STAG1: variants seen among roughly 807,000 people sequenced by gnomAD.
STAG1 encodes the protein STAG1 cohesin complex component, also known as cohesin subunit SA-1.
STAG1 carries 26 observed loss-of-function variants against 170.9 expected under a neutral mutation model. That is an observed-to-expected ratio of 0.15 (90% CI 0.11 to 0.21). The LOEUF (loss-of-function observed/expected upper bound fraction) is 0.21, where lower values mean the gene tolerates loss of function less well. Ranked by LOEUF, STAG1 falls within the 10% of genes least tolerant of loss-of-function variation. STAG1 has a pLI of 1.00. For synonymous variants in STAG1, 514 were observed against 497.7 expected (o/e 1.03, Z -0.44); for missense variants, 964 against 1,509.5 (o/e 0.64, Z 5.99).
At chr3:136,590,781 A>G (rs185423879) in intron 4 of STAG1, among the ~76,000 whole-genome samples, 322 of 152,336 alleles carry the variant, frequency 2.1e-3, no homozygotes, top group African/African-American at 7.4e-3. Context: ...TTGTGGAGAC[A>G]CTATGGGTTA....
intron 13 of STAG1, among the ~76,000 whole-genome samples, chr3:136,462,263 T>G (rs890853429): frequency 6.6e-6 from 1 of 152,188 alleles, no homozygotes; most frequent in Non-Finnish European, 1.5e-5. Flanking sequence ...TACAGCACTA[T>G]TCATAGTAGT....
At chr3:136,604,519 G>A (rs1289020619) in intron 3 of STAG1, 46 bp from the exon 4 acceptor site, 1 of 1,513,222 alleles carries the variant, frequency 6.6e-7, no homozygotes, top group African/African-American at 1.4e-5. Flanking sequence ...GGTTTACTTT[G>A]CTTTATATAA....
chr3:136,569,571 G>A (rs1470633564), intron 4 of STAG1, among the ~76,000 whole-genome samples: 1 of 152,014 alleles, frequency 6.6e-6, no homozygotes, highest in Non-Finnish European at 1.5e-5. Context: ...CAGGGTTGAA[G>A]TCTTTAGTTA....
At chr3:136,516,088 T>C (rs1215991917) in intron 7 of STAG1, among the ~76,000 whole-genome samples, 1 of 152,182 alleles carries the variant, frequency 6.6e-6, no homozygotes, top group Non-Finnish European at 1.5e-5. Context: ...GGTCTATTCT[T>C]TGATAATACC....
intron 28 of STAG1, among the ~76,000 whole-genome samples, chr3:136,354,877 T>A (rs1354169420): frequency 6.6e-6 from 1 of 151,386 alleles, no homozygotes; most frequent in East Asian, 1.9e-4. Context: ...GCTGTCTACA[T>A]GAAACACACT....
chr3:136,597,147 G>A (rs1311475371), intron 4 of STAG1, among the ~76,000 whole-genome samples: 1 of 151,838 alleles, frequency 6.6e-6, no homozygotes, highest in East Asian at 1.9e-4. Context: ...TAGAAATTTG[G>A]GATTTTTATT....
intron 21 of STAG1, among the ~76,000 whole-genome samples, chr3:136,400,942 A>G (rs2087306722): frequency 6.6e-6 from 1 of 152,176 alleles, no homozygotes; most frequent in South Asian, 2.1e-4. Flanking sequence ...GAATTTTCCT[A>G]TCTGCTTTGC....
At chr3:136,623,362 C>CT (rs1263176700) in intron 2 of STAG1, 114 bp from the exon 3 acceptor site, 2 of 815,388 alleles carry the variant, frequency 2.5e-6, no homozygotes, top group African/African-American at 3.6e-5. Flanking sequence ...TATACTTCTA[C>CT]TTTCAGAGAA....
At chr3:136,565,767 G>T (rs1318888664) in intron 5 of STAG1, among the ~76,000 whole-genome samples, 7 of 152,144 alleles carry the variant, frequency 4.6e-5, no homozygotes, top group African/African-American at 1.7e-4. Flanking sequence ...GTCAAAAGGT[G>T]GAAACAACTC....
intron 4 of STAG1, among the ~76,000 whole-genome samples, chr3:136,587,351 C>G (rs1937881072): frequency 6.6e-6 from 1 of 151,942 alleles, no homozygotes; most frequent in African/African-American, 2.4e-5. Flanking sequence ...ACTAGTCTGG[C>G]CATCATGGTG....
At chr3:136,663,868 A>C (rs1318779179) in intron 1 of STAG1, among the ~76,000 whole-genome samples, 2 of 152,204 alleles carry the variant, frequency 1.3e-5, no homozygotes, top group African/African-American at 4.8e-5. Context: ...AACAACCGAG[A>C]TCCAACTAAG....
chr3:136,725,874 C>G (rs757379204), intron 1 of STAG1, among the ~76,000 whole-genome samples: 1 of 152,172 alleles, frequency 6.6e-6, no homozygotes, highest in Non-Finnish European at 1.5e-5. Flanking sequence ...CCAGTCTTCC[C>G]TACTTTAGGA....
At chr3:136,418,816 AT>A (rs2087859425) in intron 20 of STAG1, among the ~76,000 whole-genome samples, 1 of 151,572 alleles carries the variant, frequency 6.6e-6, no homozygotes, top group African/African-American at 2.4e-5. Context: ...TGATTTTTGT[AT>A]TTTTGTAGAC....
chr3:136,356,926 T>A (rs1377270992), intron 28 of STAG1, among the ~76,000 whole-genome samples: 3 of 151,278 alleles, frequency 2.0e-5, no homozygotes, highest in Non-Finnish European at 2.9e-5. Flanking sequence ...CTAATTTTTT[T>A]TTATTTTTTT....
rs997411911 is a variant in STAG1 at position 136,592,685 on chromosome 3, A to G, written c.297+11624T>C. On this transcript the variant is annotated intron_variant, in intron 4 of 33. Transcript: ENST00000383202. ...CCACTAAAATGACAACGCTAAGGTT[A>G]GTTGCCAAATACTTCATGGTGGGTA... 5.9e-5 allele frequency among the ~76,000 whole-genome samples: 9 copies of G among 152,332 alleles called. No homozygotes were observed. In the South Asian group the frequency reaches 1.5e-3, roughly 25 times the overall value.
intron 13 of STAG1, among the ~76,000 whole-genome samples, chr3:136,457,416 C>G (rs2089146070): frequency 6.6e-6 from 1 of 152,106 alleles, no homozygotes; most frequent in African/African-American, 2.4e-5. Flanking sequence ...ACCTTTCTAC[C>G]CCTACGTCCT....
intron 22 of STAG1, among the ~76,000 whole-genome samples, chr3:136,379,723 A>T (rs573334209): frequency 3.9e-5 from 6 of 152,294 alleles, no homozygotes; most frequent in African/African-American, 1.4e-4. Flanking sequence ...ACAACAAAAA[A>T]GTGCAGAGGT....
chr3:136,396,060 G>A (rs2087139086), intron 22 of STAG1, among the ~76,000 whole-genome samples: 1 of 152,100 alleles, frequency 6.6e-6, no homozygotes, highest in Non-Finnish European at 1.5e-5. Context: ...GCGCCATGAT[G>A]CCCAGCTAAC....
At chr3:136,347,590 T>G (rs1297091990) in intron 29 of STAG1, among the ~76,000 whole-genome samples, 1 of 152,092 alleles carries the variant, frequency 6.6e-6, no homozygotes, top group Admixed American at 6.6e-5. Flanking sequence ...ACAGTAACAT[T>G]TATATTAATT....
Sources: gnomAD v4.1 joint callset for allele counts (sites outside exome capture counted in the v4.1 genomes callset) on GRCh38, gnomAD v4.1.1 for gene constraint, MANE v1.5 for transcripts, NCBI Gene and HGNC (gene_info 2026-07-23, HGNC 2026-07-21) for gene names.